Variants in ARHGEF26 observed in about 807,000 individuals in gnomAD.
ARHGEF26 encodes the protein Rho guanine nucleotide exchange factor (GEF) 26.
A neutral mutation model predicts 89.4 loss-of-function variants in ARHGEF26; 59 were observed. The ratio of observed to expected loss-of-function variants is 0.66; its 90% confidence interval spans 0.54 to 0.82. The LOEUF (loss-of-function observed/expected upper bound fraction) is 0.82. Ranked by LOEUF, ARHGEF26 falls within the 40% of genes least tolerant of loss-of-function variation. The pLI is 0.00. For missense variants in ARHGEF26, 1,234 were observed against 1,085.6 expected, an observed-to-expected ratio of 1.14 and a Z score of -1.92; for synonymous variants, 500 against 428.4, an observed-to-expected ratio of 1.17 and a Z score of -2.06.
intron 2 of ARHGEF26, among the ~76,000 whole-genome samples, chr3:154,123,601 T>C (rs1202113235): frequency 6.6e-6 from 1 of 152,230 alleles, no homozygotes; most frequent in Non-Finnish European, 1.5e-5. Context: ...AATGTGAATT[T>C]GAAAATCAGT....
intron 10 of ARHGEF26, among the ~76,000 whole-genome samples, chr3:154,219,940 C>A (rs867458317): frequency 3.8e-4 from 2 of 5,214 alleles, no homozygotes; most frequent in African/African-American, 6.2e-4. Flanking sequence ...AAAAAACAAA[C>A]AAAAAAGTAA....
intron 6 of ARHGEF26, among the ~76,000 whole-genome samples, chr3:154,185,873 C>T (rs1713493051): frequency 6.6e-6 from 1 of 152,128 alleles, no homozygotes; most frequent in Non-Finnish European, 1.5e-5. Context: ...ACTCCTGTCA[C>T]TGGAGATTCC....
chr3:154,129,155 T>G (rs1353930907), intron 3 of ARHGEF26, among the ~76,000 whole-genome samples: 1 of 152,154 alleles, frequency 6.6e-6, no homozygotes, highest in Middle Eastern at 3.2e-3. Context: ...AGAGGTGTCT[T>G]TCTTTTGTTT....
chr3:154,204,552 T>C (rs1447820826), intron 9 of ARHGEF26, among the ~76,000 whole-genome samples: 1 of 151,850 alleles, frequency 6.6e-6, no homozygotes, highest in Non-Finnish European at 1.5e-5. Context: ...CTGATCTCGA[T>C]CTCCTGGTCT....
At chr3:154,164,092 C>A (rs1711835275) in intron 6 of ARHGEF26, among the ~76,000 whole-genome samples, 2 of 151,992 alleles carry the variant, frequency 1.3e-5, no homozygotes, top group Non-Finnish European at 1.5e-5. Context: ...TCAAAATAAA[C>A]TTTTGTAGAA....
intron 8 of ARHGEF26, among the ~76,000 whole-genome samples, 200 bp downstream of exon 8, chr3:154,191,618 A>G (rs1017898986): frequency 2.0e-5 from 3 of 152,208 alleles, no homozygotes; most frequent in Admixed American, 1.3e-4. Flanking sequence ...TTAGGCTTCT[A>G]TGGTCATTCT....
intron 4 of ARHGEF26, among the ~76,000 whole-genome samples, chr3:154,140,691 C>T (rs1184400332): frequency 6.7e-6 from 1 of 148,470 alleles, no homozygotes; most frequent in African/African-American, 2.5e-5. Flanking sequence ...AGCGATTCTT[C>T]TGCCTCAGCC....
intron 6 of ARHGEF26, among the ~76,000 whole-genome samples, chr3:154,184,454 T>A (rs1424294477): frequency 6.6e-6 from 1 of 152,206 alleles, no homozygotes; most frequent in Non-Finnish European, 1.5e-5. Flanking sequence ...CCATTAGACA[T>A]CTCCAAGGCA....
intron 4 of ARHGEF26, among the ~76,000 whole-genome samples, chr3:154,145,619 A>T (rs992023189): frequency 6.6e-6 from 1 of 152,148 alleles, no homozygotes; most frequent in East Asian, 1.9e-4. Context: ...GTGGGCAAAA[A>T]TAGAAGGAAT....
Position 154,122,435 on chromosome 3 carries a change from G to C in ARHGEF26, c.443G>C (p.Arg148Pro), listed in dbSNP as rs778948077. 250 of 1,611,112 alleles carry C rather than the reference G, an allele frequency of 1.6e-4. 1 individual carries two copies. The highest frequency in any genetic ancestry group is 2.1e-4 in the Non-Finnish European group (242 of 1,179,118). The stretch of plus-strand genomic sequence containing the variant: ...CCGCCGCCGGTTCTGCGCCCCCCGC[G>C]GACTCCTAACGCGCCCGCCCCCTGC... ...PPPPPVLRPP[R>P]TPNAPAPCTP... The change falls in exon 2 of 15, where the codon CGG becomes CCG. Residue 148 changes from arginine to proline, a missense_variant. Physicochemically the swap from Arg to Pro is moderately radical, Grantham distance 103. Coordinates refer to ENST00000465093, the MANE Select transcript of ARHGEF26 (RefSeq NM_015595.4).
chr3:154,177,331 C>T (rs1712888149), intron 6 of ARHGEF26, among the ~76,000 whole-genome samples: 1 of 152,184 alleles, frequency 6.6e-6, no homozygotes, highest in Non-Finnish European at 1.5e-5. Flanking sequence ...CTCCGAAAGC[C>T]TTGTAAGAGG....
At chr3:154,233,600 CG>C (rs1243685870) in intron 11 of ARHGEF26, among the ~76,000 whole-genome samples, 1 of 152,116 alleles carries the variant, frequency 6.6e-6, no homozygotes, top group Non-Finnish European at 1.5e-5. Flanking sequence ...ATTTAATGCA[CG>C]ACAGTCTAGA....
At chr3:154,148,065 A>G (rs1232689286) in intron 4 of ARHGEF26, among the ~76,000 whole-genome samples, 5 of 152,204 alleles carry the variant, frequency 3.3e-5, no homozygotes, top group Non-Finnish European at 7.3e-5. Flanking sequence ...AGGATGCCTC[A>G]GGTGGACAAA....
intron 6 of ARHGEF26, among the ~76,000 whole-genome samples, chr3:154,168,956 A>T (rs1712228317): frequency 6.6e-6 from 1 of 152,088 alleles, no homozygotes; most frequent in South Asian, 2.1e-4. Context: ...GCATATGAGA[A>T]ATGTGAGATA....
Position 154,209,917 on chromosome 3 carries a change from C to T in ARHGEF26, c.1846-7952C>T, listed in dbSNP as rs1433854564. 2.6e-5 allele frequency among the ~76,000 whole-genome samples: 4 copies of T among 152,208 alleles called. No individual in the cohort carries two copies. In the East Asian group the frequency reaches 7.7e-4, roughly 29 times the overall value. On this transcript the variant is annotated intron_variant, in intron 9 of 14. Transcript: ENST00000465093. ...TAAAGTCTAAAACCTCAGAAGTCTACTTGGCATTCTGTTGTACTGAGGCTG... is the reference window on the plus strand; with the variant it reads ...TAAAGTCTAAAACCTCAGAAGTCTATTTGGCATTCTGTTGTACTGAGGCTG...
intron 11 of ARHGEF26, among the ~76,000 whole-genome samples, chr3:154,228,682 G>T (rs1324198239): frequency 6.6e-6 from 1 of 152,024 alleles, no homozygotes; most frequent in Non-Finnish European, 1.5e-5. Flanking sequence ...TTCATAAACA[G>T]ACTTGGTTAA....
chr3:154,186,886 C>T (rs1265286433), intron 6 of ARHGEF26, among the ~76,000 whole-genome samples: 50 of 82,012 alleles, frequency 6.1e-4, no homozygotes, highest in Non-Finnish European at 7.1e-4. Flanking sequence ...TTATTTCAGA[C>T]TTTTTTTTTT....
intron 9 of ARHGEF26, among the ~76,000 whole-genome samples, chr3:154,214,738 G>C (rs1423111097): frequency 6.6e-6 from 1 of 152,184 alleles, no homozygotes; most frequent in East Asian, 1.9e-4. Flanking sequence ...GTCCCAAGCA[G>C]CAGGAGCCTG....
chr3:154,232,945 A>G (rs970805559), intron 11 of ARHGEF26, among the ~76,000 whole-genome samples: 9 of 151,644 alleles, frequency 5.9e-5, no homozygotes, highest in Admixed American at 5.9e-4. Flanking sequence ...CTCCTGCCTC[A>G]GCCTCCGGAG....
Sources: allele counts gnomAD v4.1 joint callset (sites outside exome capture counted in the v4.1 genomes callset), GRCh38; gene constraint gnomAD v4.1.1; transcripts MANE v1.5; gene names NCBI Gene and HGNC (gene_info 2026-07-23, HGNC 2026-07-21).